Variants in GSE1 observed in about 807,000 individuals in gnomAD.
The protein encoded by GSE1 is genetic suppressor element 1.
Under a neutral mutation model 112.6 loss-of-function variants are expected in GSE1, and 32 were observed. The ratio of observed to expected loss-of-function variants is 0.28; its 90% CI spans 0.21 to 0.38. The LOEUF (loss-of-function observed/expected upper bound fraction) is 0.38. Among genes scored for constraint, GSE1 ranks in the 10% least tolerant of loss-of-function variants. The probability of loss-of-function intolerance (pLI) is 1.00; values close to 1 mark genes in which losing one functional copy is unlikely to be tolerated. For missense variants in GSE1, 2,348 were observed against 1,699.2 expected (o/e 1.38, Z -6.71); for synonymous variants, 1,115 against 735.6 (o/e 1.52, Z -8.35).
intron 1 of GSE1, among the ~76,000 whole-genome samples, chr16:85,302,202 G>T (rs926144767): frequency 2.0e-5 from 3 of 152,156 alleles, no homozygotes; most frequent in African/African-American, 7.2e-5. Context: ...GAGAGGACTC[G>T]AATGCACACT....
At chr16:85,197,321 G>T (rs1567604532) in intron 1 of GSE1, among the ~76,000 whole-genome samples, 2 of 152,188 alleles carry the variant, frequency 1.3e-5, no homozygotes, top group African/African-American at 4.8e-5. Context: ...GAAAGGGAGA[G>T]ATGAGGCTCA....
chr16:85,345,955 T>A (rs890956426), intron 1 of GSE1, among the ~76,000 whole-genome samples: 1 of 151,544 alleles, frequency 6.6e-6, no homozygotes, highest in Non-Finnish European at 1.5e-5. Context: ...GGTGGACACA[T>A]GGACACGTCA....
At chr16:85,613,219 TCG>T (rs903146995), upstream of GSE1, 31 of 1,493,486 alleles carry the variant, frequency 2.1e-5, no homozygotes, top group African/African-American at 4.4e-4. Flanking sequence ...GGGTGTGTCC[TCG>T]GCGGCGACAG....
chr16:85,663,206 C>T (rs536122742), intron 10 of GSE1, 113 bp downstream of exon 10: 92 of 1,271,196 alleles, frequency 7.2e-5, no homozygotes, highest in African/African-American at 1.6e-4. Context: ...CTGGCGGGTT[C>T]GCCCCATGAA....
At chr16:85,668,502 C>A in intron 14 of GSE1, 78 bp downstream of exon 14, 1 of 956,986 alleles carries the variant, frequency 1.0e-6, no homozygotes. Context: ...TGAGTTCATG[C>A]AGACCTCTGC....
chr16:85,508,912 A>G (rs1237578990), intron 2 of GSE1, among the ~76,000 whole-genome samples: 1 of 152,158 alleles, frequency 6.6e-6, no homozygotes, highest in African/African-American at 2.4e-5. Flanking sequence ...GCGTATGTGC[A>G]CTGGGCAGGC....
At chr16:85,169,824 C>T in exon 1 of GSE1, 1 of 984,384 alleles carries the variant, frequency 1.0e-6, no homozygotes, top group African/African-American at 1.7e-5. Flanking sequence ...AGTGGGCCGC[C>T]TTCGAGCGCG....
At chr16:85,302,302 A>C (rs551457108) in intron 1 of GSE1, among the ~76,000 whole-genome samples, 5 of 152,268 alleles carry the variant, frequency 3.3e-5, no homozygotes, top group African/African-American at 1.2e-4. Context: ...CCTGACAGAG[A>C]TCAGCCACGA....
intron 1 of GSE1, among the ~76,000 whole-genome samples, chr16:85,217,831 C>A (rs2075329475): frequency 6.6e-6 from 1 of 152,182 alleles, no homozygotes; most frequent in African/African-American, 2.4e-5. Flanking sequence ...CCCTGACTAC[C>A]ACCTGTGCAC....
intron 2 of GSE1, among the ~76,000 whole-genome samples, chr16:85,450,535 C>T (rs928838086): frequency 6.6e-6 from 1 of 151,412 alleles, no homozygotes; most frequent in Non-Finnish European, 1.5e-5. Flanking sequence ...CTGCAGACTT[C>T]ACTCCCCAGG....
At chr16:85,231,649 C>G (rs567823296) in intron 1 of GSE1, among the ~76,000 whole-genome samples, 1 of 152,340 alleles carries the variant, frequency 6.6e-6, no homozygotes, top group South Asian at 2.1e-4. Flanking sequence ...CCCCCTCTCC[C>G]TGCCTTCCTT....
chr16:85,319,939 C>T (rs2046066983), intron 1 of GSE1, among the ~76,000 whole-genome samples: 1 of 152,210 alleles, frequency 6.6e-6, no homozygotes, highest in African/African-American at 2.4e-5. Flanking sequence ...TAAGCTTTCC[C>T]TGGGTCCCGG....
intron 2 of GSE1, among the ~76,000 whole-genome samples, chr16:85,417,224 T>C (rs988414620): frequency 1.3e-5 from 2 of 152,208 alleles, no homozygotes; most frequent in Admixed American, 6.5e-5. Context: ...CTGTGCACTG[T>C]TGGGTGTTTG....
intron 1 of GSE1, among the ~76,000 whole-genome samples, chr16:85,290,338 C>T (rs776418077): frequency 8.5e-5 from 13 of 152,314 alleles, no homozygotes; most frequent in East Asian, 1.9e-4. Flanking sequence ...ACCTGGAGTG[C>T]GGCAGCCTTC....
intron 1 of GSE1, among the ~76,000 whole-genome samples, chr16:85,262,879 T>C (rs1907849359): frequency 6.6e-6 from 1 of 152,336 alleles, no homozygotes; most frequent in South Asian, 2.1e-4. Context: ...ATTCTGCAAT[T>C]CAGTGTTAAT....
At chr16:85,391,402 A>T in intron 2 of GSE1, among the ~76,000 whole-genome samples, 1 of 152,058 alleles carries the variant, frequency 6.6e-6, no homozygotes, top group Non-Finnish European at 1.5e-5. Flanking sequence ...GAGCTGAAAG[A>T]TTTCTTCTCC....
intron 2 of GSE1, among the ~76,000 whole-genome samples, chr16:85,498,843 C>T (rs1195173255): frequency 6.6e-6 from 1 of 152,264 alleles, no homozygotes; most frequent in African/African-American, 2.4e-5. Context: ...CTGGCCCAGC[C>T]ACCCTTCCCC....
intron 2 of GSE1, among the ~76,000 whole-genome samples, chr16:85,468,480 C>A (rs182574397): frequency 1.3e-5 from 2 of 152,148 alleles, no homozygotes; most frequent in East Asian, 3.9e-4. Context: ...CCATGCCCAG[C>A]TAGTTTTTGT....
At chr16:85,598,388 C>T (rs1039459240) in intron 1 of GSE1, among the ~76,000 whole-genome samples, 6 of 152,122 alleles carry the variant, frequency 3.9e-5, no homozygotes, top group African/African-American at 1.4e-4. Flanking sequence ...CATCAGCTTT[C>T]AGGAGAATGC....
Sources: allele counts gnomAD v4.1 joint callset (sites outside exome capture counted in the v4.1 genomes callset), GRCh38; gene constraint gnomAD v4.1.1; transcripts MANE v1.5; gene names NCBI Gene and HGNC (gene_info 2026-07-23, HGNC 2026-07-21).